Variants in PPP1R37 observed in about 807,000 individuals in gnomAD.
PPP1R37 encodes the protein leucine rich repeat containing 68.
In PPP1R37, 21 loss-of-function variants were observed where a neutral mutation model predicts 61.0. The ratio of observed to expected loss-of-function variants is 0.34; its 90% CI spans 0.24 to 0.50. The LOEUF is 0.50. PPP1R37 is among the 20% of genes least tolerant of loss of function. PPP1R37 has a pLI of 0.98. For missense variants in PPP1R37, 910 were observed against 952.7 expected (o/e 0.96, Z 0.59); for synonymous variants, 443 against 433.5 (o/e 1.02, Z -0.27).
intron 1 of PPP1R37, among the ~76,000 whole-genome samples, chr19:45,118,343 G>A (rs1198931540): frequency 6.6e-6 from 1 of 152,208 alleles, no homozygotes; most frequent in Non-Finnish European, 1.5e-5. Flanking sequence ...GAAGGCAAGT[G>A]TGTGGCCACG....
chr19:45,143,512 C>G lies in PPP1R37; in HGVS notation c.875-9C>G. 6.6e-7 allele frequency: 1 copy of G among 1,515,136 alleles called. No homozygotes were observed. Among genetic ancestry groups the G allele is most frequent in the South Asian group, 1.2e-5 (1 of 83,600 alleles). The allele number at this position is 1,515,136 out of a possible 1,614,324, so 93.9% of individuals were successfully genotyped here. The stretch of plus-strand genomic sequence containing the variant: ...CCCAGACAGGGCTCTGACTGCCGGC[C>G]TCCTCCAGGTCTGGCCTACATCTGC... On this transcript the variant is annotated splice_polypyrimidine_tract_variant and intron_variant, in intron 7 of 12. Transcript: ENST00000221462.
Position 45,145,457 on chromosome 19 carries a change from G to A in PPP1R37, c.1401G>A (p.Pro467=), listed in dbSNP as rs771075740. The A allele has an allele frequency of 5.1e-4, 786 of 1,535,126 alleles. No individual in the cohort carries two copies. The highest frequency in any genetic ancestry group is 1.8e-3 in the Admixed American group (92 of 50,978). ...GGGAGAGGGAGGAGAAGGAGCAGCC[G>A]CCACAGCTGTCGGCCTCCATGCCTG... ...LAREREEKEQ[P]PQLSASMPET... is the part of the protein sequence containing the mutation. Residue 467 remains proline, a synonymous_variant, in exon 11 of 13, where the codon CCG becomes CCA. Coordinates refer to ENST00000221462, the MANE Select transcript of PPP1R37 (RefSeq NM_019121.2).
chr19:45,135,074 C>T (rs928857217), intron 1 of PPP1R37, among the ~76,000 whole-genome samples: 2 of 152,122 alleles, frequency 1.3e-5, no homozygotes, highest in Non-Finnish European at 2.9e-5. Flanking sequence ...GTGGTGAAAC[C>T]CCATCTCTAC....
intron 1 of PPP1R37, chr19:45,128,962 G>C (rs1442665540): frequency 1.3e-6 from 1 of 781,836 alleles, no homozygotes; most frequent in South Asian, 1.3e-5. Flanking sequence ...TGTGGAGAAG[G>C]GACCCTGATC....
intron 1 of PPP1R37, among the ~76,000 whole-genome samples, chr19:45,119,965 G>A (rs530989582): frequency 3.3e-5 from 5 of 149,530 alleles, no homozygotes; most frequent in Non-Finnish European, 5.9e-5. Context: ...CTCCATCTCT[G>A]TGTTCATTTG....
intron 7 of PPP1R37, chr19:45,143,228 C>T: frequency 3.0e-6 from 1 of 337,316 alleles, no homozygotes; most frequent in South Asian, 3.6e-5. Flanking sequence ...TGGAGGGAGA[C>T]AGTGGTGACT....
chr19:45,141,088 G>A lies in PPP1R37; in HGVS notation c.448-234G>A, dbSNP rs141487499. ...AAGGCCTGTCCTGGTCACTCAGCAC[G>A]TCAGTCAAGGACTTTGGAGGGCAAG... On this transcript the variant is annotated intron_variant, in intron 4 of 12. Transcript: ENST00000221462. Among the ~76,000 whole-genome samples, 7 of 152,330 alleles carry A rather than the reference G, an allele frequency of 4.6e-5. 1 individual carries two copies. The South Asian group carries it at 8.3e-4, about 18-fold the overall frequency.
intron 1 of PPP1R37, among the ~76,000 whole-genome samples, chr19:45,123,496 C>T (rs902296912): frequency 5.9e-5 from 9 of 152,198 alleles, no homozygotes; most frequent in South Asian, 2.1e-4. Context: ...CCTGTCTGTC[C>T]GGTTTGAAGC....
In PPP1R37 at chr19:45,105,416, C is replaced by T. The variant is rs987476461; in HGVS notation, c.202+11889C>T. On this transcript the variant is annotated intron_variant, in intron 1 of 12. Coordinates refer to ENST00000221462, the MANE Select transcript of PPP1R37 (RefSeq NM_019121.2). Reference sequence around the variant, plus strand: ...TGGTGCCCGGGGTCCTTTCCCACTGCGCGTCAGTGTTTCCCATCTCTCCAT... The same window carrying T: ...TGGTGCCCGGGGTCCTTTCCCACTGTGCGTCAGTGTTTCCCATCTCTCCAT... Among the ~76,000 whole-genome samples the T allele has an allele frequency of 1.7e-4, 26 of 152,036 alleles. No individual in the cohort carries two copies. The East Asian group carries it at 2.5e-3, about 15-fold the overall frequency.
chr19:45,115,272 G>A (rs890991772), intron 1 of PPP1R37, among the ~76,000 whole-genome samples: 9 of 152,192 alleles, frequency 5.9e-5, no homozygotes, highest in African/African-American at 1.9e-4. Flanking sequence ...TGGTGGGTAG[G>A]TACCTGGCTT....
rs560777174 is a variant in PPP1R37 at position 45,143,610 on chromosome 19, A to G, written c.964A>G (p.Met322Val). Residue 322 changes from methionine to valine, a missense_variant, in exon 8 of 13, where the codon ATG becomes GTG. Physicochemically the swap from Met to Val is conservative, Grantham distance 21 (BLOSUM62 1). Transcript: ENST00000221462. Reference sequence around the variant, plus strand: ...GAACAACCAGCTCACGCACACAGGCATGGCCTTCCTGGGCATGACACTGGT... The same window carrying G: ...GAACAACCAGCTCACGCACACAGGCGTGGCCTTCCTGGGCATGACACTGGT... ...LWNNQLTHTG[M>V]AFLGMTLPHT... is the part of the protein sequence containing the mutation. 1.3e-6 allele frequency: 2 copies of G among 1,535,096 alleles called. No individual in the cohort carries two copies. Among genetic ancestry groups the G allele is most frequent in the Non-Finnish European group, 1.7e-6 (2 of 1,145,996 alleles).
chr19:45,103,951 C>T (rs772181684), intron 1 of PPP1R37, among the ~76,000 whole-genome samples: 3 of 152,124 alleles, frequency 2.0e-5, no homozygotes, highest in South Asian at 2.1e-4. Flanking sequence ...AGTCCACACC[C>T]GTGGGCCTGG....
Position 45,121,245 on chromosome 19 carries a change from G to A in PPP1R37, c.203-17269G>A, listed in dbSNP as rs1439888097. On this transcript the variant is annotated intron_variant, in intron 1 of 12. Coordinates refer to ENST00000221462, the MANE Select transcript of PPP1R37 (RefSeq NM_019121.2). The surrounding 1 kb of genome is among the most constrained non-coding windows in gnomAD (Gnocchi z 4.2). ...GGATGATTACTGTTGGGAAATGCAT[G>A]GCAGTGGCTGGAAGAGGGGGTCAGA... Among the ~76,000 whole-genome samples the A allele has an allele frequency of 6.6e-6, 1 of 152,210 alleles. No individual in the cohort carries two copies. The highest frequency in any genetic ancestry group is 1.9e-4 in the East Asian group (1 of 5,192).
intron 1 of PPP1R37, among the ~76,000 whole-genome samples, chr19:45,120,558 G>C (rs1968329616): frequency 6.6e-6 from 1 of 152,190 alleles, no homozygotes; most frequent in South Asian, 2.1e-4. Context: ...TTACATGTAT[G>C]ATTTTTCATC....
chr19:45,143,025 G>A (rs1254264503), intron 7 of PPP1R37: 2 of 167,200 alleles, frequency 1.2e-5, no homozygotes, highest in Non-Finnish European at 2.6e-5. Context: ...GGGGTGGGGT[G>A]GGTCACTGTG....
chr19:45,128,474 G>A lies in PPP1R37; in HGVS notation c.203-10040G>A, dbSNP rs1165681080. ...TCAAGGCAGGGTGGTAGAGGCAGCG[G>A]CAGCAGCAGGCCCAGAGGCAGCGGT... On this transcript the variant is annotated intron_variant, in intron 1 of 12. Transcript: ENST00000221462. The A allele has an allele frequency of 2.8e-5, 19 of 683,120 alleles. No individual in the cohort carries two copies. The East Asian group carries it at 6.2e-4, about 22-fold the overall frequency. The allele number at this position is 683,120 out of a possible 1,614,324, so 42.3% of individuals were successfully genotyped here. A position where few individuals can be genotyped will look rare whatever the true frequency, so the allele number is the denominator to read the frequency against.
intron 1 of PPP1R37, chr19:45,129,092 C>T: frequency 9.9e-6 from 6 of 603,064 alleles, no homozygotes; most frequent in South Asian, 8.8e-5. Context: ...GAGGCCCCCT[C>T]CTCTGGCCTT....
Position 45,121,220 on chromosome 19 carries a change from G to A in PPP1R37, c.203-17294G>A, listed in dbSNP as rs773494476. Among the ~76,000 whole-genome samples, 6 of 152,192 alleles carry A rather than the reference G, an allele frequency of 3.9e-5. No individual in the cohort carries two copies. The highest frequency in any genetic ancestry group is 8.8e-5 in the Non-Finnish European group (6 of 68,036). Reference sequence around the variant, plus strand: ...TTGTAGGAGTGGTGGGAGAGCGTGGGGATGATTACTGTTGGGAAATGCATG... The same window carrying A: ...TTGTAGGAGTGGTGGGAGAGCGTGGAGATGATTACTGTTGGGAAATGCATG... On this transcript the variant is annotated intron_variant, in intron 1 of 12. Transcript: ENST00000221462. This position sits in a 1 kb window ranked among gnomAD's most constrained non-coding sequence, Gnocchi z 4.2.
chr19:45,145,022 C>T (rs1968668471), intron 9 of PPP1R37, 27 bp downstream of exon 9: 4 of 1,525,658 alleles, frequency 2.6e-6, no homozygotes, highest in African/African-American at 1.4e-5. Flanking sequence ...GGCCAGGGTG[C>T]GGGCTGGTGG....
Sources: allele counts gnomAD v4.1 joint callset (sites outside exome capture counted in the v4.1 genomes callset), GRCh38; gene constraint gnomAD v4.1.1; non-coding constraint Gnocchi (gnomAD v3.1); transcripts MANE v1.5; gene names NCBI Gene and HGNC (gene_info 2026-07-23, HGNC 2026-07-21).